The following SRD5A2 variants were observed in gnomAD, a reference collection of about 807,000 sequenced individuals.
The protein encoded by SRD5A2 is 3-oxo-5-alpha-steroid 4-dehydrogenase 2.
In SRD5A2, 30 loss-of-function variants were observed where a neutral mutation model predicts 27.4. The ratio of observed to expected loss-of-function variants is 1.10; its 90% confidence interval spans 0.82 to 1.49. SRD5A2 has a LOEUF of 1.49. SRD5A2 is among the 40% of genes most tolerant of loss of function. The probability of loss-of-function intolerance (pLI) is 0.00; values close to 1 mark genes in which losing one functional copy is unlikely to be tolerated. For synonymous variants in SRD5A2, 141 were observed against 133.6 expected, an observed-to-expected ratio of 1.06 and a Z score of -0.38; for missense variants, 348 against 323.4, an observed-to-expected ratio of 1.08 and a Z score of -0.58.
chr2:31,560,509 G>T (rs376774380), intron 1 of SRD5A2, among the ~76,000 whole-genome samples: 6 of 152,308 alleles, frequency 3.9e-5, no homozygotes, highest in African/African-American at 1.4e-4. Context: ...ACCGGCACCT[G>T]ATTTCAGGCT....
the SRD5A2 span, among the ~76,000 whole-genome samples, chr2:31,607,472 T>C: frequency 6.6e-6 from 1 of 151,180 alleles, no homozygotes; most frequent in Admixed American, 6.6e-5. Context: ...AACCTATAGA[T>C]GAGAAGAAAG....
rs1306666180 is a variant in SRD5A2 at position 31,526,185 on chromosome 2, AT to A, written c.*10del. The A allele has an allele frequency of 6.4e-7, 1 of 1,558,896 alleles. No individual in the cohort carries two copies. The highest frequency in any genetic ancestry group is 1.8e-5 in the Admixed American group (1 of 54,726). ...ATTGTGGGAGCTCTGCTCCTTTTTA[AT>A]TTGGTTCCTTTAAAAGATGAATGGA... On this transcript the variant is annotated 3_prime_UTR_variant, in exon 5 of 5. Transcript: ENST00000622030.
At chr2:31,557,097 G>T (rs769390919) in intron 1 of SRD5A2, among the ~76,000 whole-genome samples, 1 of 152,222 alleles carries the variant, frequency 6.6e-6, no homozygotes, top group Non-Finnish European at 1.5e-5. Flanking sequence ...AGGTGGCACT[G>T]ATTCCAGAGT....
chr2:31,632,778 C>T, the SRD5A2 span, among the ~76,000 whole-genome samples: 136 of 152,278 alleles, frequency 8.9e-4, 1 homozygote, highest in African/African-American at 3.2e-3. Flanking sequence ...GAAAACCCCA[C>T]TCCTCTGTTA....
chr2:31,569,537 G>A (rs982688318), intron 1 of SRD5A2, among the ~76,000 whole-genome samples: 8 of 151,982 alleles, frequency 5.3e-5, no homozygotes, highest in Admixed American at 3.3e-4. Context: ...CCAATCATAC[G>A]TTTTCTTTGG....
the SRD5A2 span, among the ~76,000 whole-genome samples, chr2:31,649,135 T>C: frequency 6.6e-6 from 1 of 152,178 alleles, no homozygotes; most frequent in Non-Finnish European, 1.5e-5. Flanking sequence ...TCATTTGGAG[T>C]GGATAACTGG....
the SRD5A2 span, among the ~76,000 whole-genome samples, chr2:31,653,938 C>T: frequency 2.0e-5 from 3 of 152,182 alleles, no homozygotes; most frequent in South Asian, 2.1e-4. Flanking sequence ...GGATTACAGG[C>T]GTGACCCACT....
At chr2:31,606,058 C>T in the SRD5A2 span, among the ~76,000 whole-genome samples, 3 of 151,862 alleles carry the variant, frequency 2.0e-5, no homozygotes, top group African/African-American at 7.2e-5. Flanking sequence ...GAAAGACATA[C>T]ATCACATGTT....
chr2:31,555,445 A>T (rs1011956659), intron 1 of SRD5A2, among the ~76,000 whole-genome samples: 1 of 152,114 alleles, frequency 6.6e-6, no homozygotes, highest in Non-Finnish European at 1.5e-5. Context: ...CAACCCAACA[A>T]ATCTCGGTAA....
chr2:31,583,651 C>CAAAAAAAAA (rs1558379512), upstream of SRD5A2, among the ~76,000 whole-genome samples: 1 of 66,514 alleles, frequency 1.5e-5, no homozygotes, highest in African/African-American at 6.4e-5. Context: ...AAAAAAAAAA[C>CAAAAAAAAA]CAAAAAAAAA....
intron 1 of SRD5A2, among the ~76,000 whole-genome samples, chr2:31,568,714 C>A (rs889754098): frequency 3.3e-5 from 5 of 152,176 alleles, no homozygotes; most frequent in Non-Finnish European, 5.9e-5. Context: ...CTCCTGCCAC[C>A]ATCCACATGC....
At chr2:31,624,085 T>A in the SRD5A2 span, among the ~76,000 whole-genome samples, 10 of 152,100 alleles carry the variant, frequency 6.6e-5, no homozygotes, top group South Asian at 1.9e-3. Context: ...GCTGTTTTTG[T>A]TTTTAATTTT....
At chr2:31,647,773 T>C in the SRD5A2 span, among the ~76,000 whole-genome samples, 1 of 152,188 alleles carries the variant, frequency 6.6e-6, no homozygotes, top group Non-Finnish European at 1.5e-5. Flanking sequence ...ATATAAATTA[T>C]CTTGAACATT....
chr2:31,654,057 GAGAA>G, the SRD5A2 span, among the ~76,000 whole-genome samples: 2 of 150,914 alleles, frequency 1.3e-5, no homozygotes, highest in Non-Finnish European at 2.9e-5. Context: ...AAACTAGTGT[GAGAA>G]AGAAAGAGAA....
At chr2:31,587,551 T>C in the SRD5A2 span, among the ~76,000 whole-genome samples, 2 of 152,114 alleles carry the variant, frequency 1.3e-5, no homozygotes, top group African/African-American at 4.8e-5. Context: ...ATATACACAA[T>C]GGAATACTAT....
chr2:31,613,829 T>C, the SRD5A2 span, among the ~76,000 whole-genome samples: 1 of 152,084 alleles, frequency 6.6e-6, no homozygotes, highest in African/African-American at 2.4e-5. Flanking sequence ...TCTTGCATGG[T>C]GGCAGGCAGG....
At chr2:31,647,156 C>A in the SRD5A2 span, among the ~76,000 whole-genome samples, 180 of 151,868 alleles carry the variant, frequency 1.2e-3, no homozygotes, top group African/African-American at 4.0e-3. Context: ...GAAAACAAAA[C>A]AAAACAAAAC....
the SRD5A2 span, among the ~76,000 whole-genome samples, chr2:31,625,010 C>T: frequency 6.6e-6 from 1 of 152,324 alleles, no homozygotes; most frequent in African/African-American, 2.4e-5. Context: ...CACACATCCT[C>T]TCCAGCACCT....
intron 4 of SRD5A2, among the ~76,000 whole-genome samples, chr2:31,526,757 G>C (rs994331579): frequency 6.6e-6 from 1 of 152,022 alleles, no homozygotes; most frequent in Non-Finnish European, 1.5e-5. Flanking sequence ...ATTTTGTCTC[G>C]TCAAAAGATA....
Sources: gnomAD v4.1 joint callset for allele counts (sites outside exome capture counted in the v4.1 genomes callset) on GRCh38, gnomAD v4.1.1 for gene constraint, MANE v1.5 for transcripts, NCBI Gene and HGNC (gene_info 2026-07-23, HGNC 2026-07-21) for gene names.